The following MRE11 variants were observed in gnomAD, a reference collection of about 807,000 sequenced individuals.
The protein encoded by MRE11 is double-strand break repair protein MRE11.
In MRE11, 62 loss-of-function variants were observed where a neutral mutation model predicts 91.7. The observed-to-expected ratio is 0.68, with a 90% CI of 0.55 to 0.84. The LOEUF (loss-of-function observed/expected upper bound fraction) is 0.84, where lower values mean the gene tolerates loss of function less well. Among genes scored for constraint, MRE11 ranks in the 40% least tolerant of loss-of-function variants. The pLI is 0.00. For synonymous variants in MRE11, 273 were observed against 271.4 expected (o/e 1.01, Z -0.06); for missense variants, 796 against 852.9 (o/e 0.93, Z 0.83).
At chr11:94,484,538 A>C (rs1278052490) in intron 4 of MRE11, among the ~76,000 whole-genome samples, 3 of 152,210 alleles carry the variant, frequency 2.0e-5, no homozygotes, top group African/African-American at 7.2e-5. Flanking sequence ...AGCTGGACTC[A>C]GAGACTCAAT....
At chr11:94,500,373 C>T in the MRE11 span, among the ~76,000 whole-genome samples, 1,642 of 152,336 alleles carry the variant, frequency 0.011, 25 homozygotes, top group South Asian at 0.066. Context: ...ACAAATCCCA[C>T]CCCTGAGGGC....
chr11:94,446,653 AT>A (rs1945939776), intron 15 of MRE11, among the ~76,000 whole-genome samples: 1 of 152,190 alleles, frequency 6.6e-6, no homozygotes, highest in East Asian at 1.9e-4. Context: ...ACCAATTTCT[AT>A]TGGCGTGAAC....
In MRE11 at chr11:94,476,324, G is replaced by C; in HGVS notation, c.624C>G (p.Asn208Lys). 6.2e-7 allele frequency: 1 copy of C among 1,613,236 alleles called. No homozygotes were observed. Residue 208 changes from asparagine to lysine, a missense_variant, in exon 7 of 20, where the codon AAC becomes AAG. Asn to Lys is a moderately conservative substitution (Grantham distance 94, BLOSUM62 0). Transcript: ENST00000323929. ...GAATCACAAATAAGTTAAACCAAGA[G>C]TTCTCATCTTCCTTTGGTCTCAACA... is the stretch of plus-strand genomic sequence containing the variant. ...VTMLRPKEDE[N>K]SWFNLFVIHQ...
chr11:94,426,963 A>G (rs964884755), intron 19 of MRE11, among the ~76,000 whole-genome samples: 1 of 152,332 alleles, frequency 6.6e-6, no homozygotes, highest in South Asian at 2.1e-4. Flanking sequence ...GCCATATTCT[A>G]TCAGACATAC....
rs983937345 is a variant in MRE11, at chr11:94,419,513, G to A, written c.*612C>T. 6.7e-5 allele frequency: 15 copies of A among 224,550 alleles called. No individual in the cohort carries two copies. Among genetic ancestry groups the A allele is most frequent in the Non-Finnish European group, 1.0e-4 (12 of 115,180 alleles). The allele number at this position is 224,550 out of a possible 1,614,324, so 13.9% of individuals were successfully genotyped here. ...GAGAGAGAACACCATTAAGGATACA[G>A]AATAATAAAGGAAATTACTACCACT... is the stretch of plus-strand genomic sequence containing the variant. On this transcript the variant is annotated 3_prime_UTR_variant, in exon 20 of 20. Coordinates refer to ENST00000323929, the MANE Select transcript of MRE11 (RefSeq NM_005591.4).
At chr11:94,496,806 C>CTACTGG, upstream of MRE11, 8 of 1,613,920 alleles carry the variant, frequency 5.0e-6, no homozygotes, top group Non-Finnish European at 6.8e-6. Context: ...CACCTTATTC[C>CTACTGG]TACTGGTACT....
intron 4 of MRE11, among the ~76,000 whole-genome samples, chr11:94,481,250 A>G (rs765920991): frequency 3.9e-5 from 6 of 152,200 alleles, no homozygotes; most frequent in Non-Finnish European, 7.4e-5. Context: ...CAGAGGTTGC[A>G]GTAAGCCGAG....
the MRE11 span, among the ~76,000 whole-genome samples, chr11:94,500,412 C>A: frequency 6.6e-6 from 1 of 152,314 alleles, no homozygotes; most frequent in African/African-American, 2.4e-5. Context: ...TTCCTTTATA[C>A]TTTCCAGAGC....
chr11:94,492,830 C>T lies in MRE11; in HGVS notation c.-29G>A. 10 of 1,610,122 alleles carry T rather than the reference C, an allele frequency of 6.2e-6. No homozygotes were observed. The highest frequency in any genetic ancestry group is 1.9e-4 in the Middle Eastern group (1 of 5,264). On this transcript the variant is annotated 5_prime_UTR_variant, in exon 2 of 20. Coordinates refer to ENST00000323929, the MANE Select transcript of MRE11 (RefSeq NM_005591.4). Reference sequence around the variant, plus strand: ...TATGGTCAGTCAAGCTCCTCTGGGACCAGGTTCTTCTCCAAGAACCCCTGG... The same window carrying T: ...TATGGTCAGTCAAGCTCCTCTGGGATCAGGTTCTTCTCCAAGAACCCCTGG...
At chr11:94,465,610 G>A (rs687109) in intron 10 of MRE11, among the ~76,000 whole-genome samples, 38,525 of 151,734 alleles carry the variant, frequency 0.25, 5,060 homozygotes, top group Middle Eastern at 0.32. Flanking sequence ...TGCCCAGGCT[G>A]GTCTCGAACT....
At position 94,447,600 on chromosome 11, in the gene MRE11, G is replaced by A. The variant is rs571985441; in HGVS notation, c.1564-162C>T. On this transcript the variant is annotated intron_variant, in intron 14 of 19. Coordinates refer to ENST00000323929, the MANE Select transcript of MRE11 (RefSeq NM_005591.4). Reference sequence around the variant, plus strand: ...TCTCAGCACTTTGGGAGGCCGAGGCGGGAGGATCACTTGCACCCAAGAGTT... The same window carrying A: ...TCTCAGCACTTTGGGAGGCCGAGGCAGGAGGATCACTTGCACCCAAGAGTT... Among the ~76,000 whole-genome samples the A allele has an allele frequency of 2.4e-4, 37 of 151,084 alleles. 1 individual carries two copies. Among genetic ancestry groups the A allele is most frequent in the African/African-American group, 7.3e-4 (30 of 41,020 alleles).
Position 94,418,920 on chromosome 11 carries a change from T to C in MRE11, c.*1205A>G, listed in dbSNP as rs1945092068. 1 of 230,990 alleles carries C rather than the reference T, an allele frequency of 4.3e-6. No homozygotes were observed. Among genetic ancestry groups the C allele is most frequent in the South Asian group, 1.8e-4 (1 of 5,518 alleles). The allele number at this position is 230,990 out of a possible 1,614,324, so 14.3% of individuals were successfully genotyped here. A position where few individuals can be genotyped will look rare whatever the true frequency, so the allele number is the denominator to read the frequency against. On this transcript the variant is annotated 3_prime_UTR_variant, in exon 20 of 20. Transcript: ENST00000323929. ...CTTATAATTTGACACATTCCAGGTATGACTATTCTAATGGTCATGAGTATC... is the reference window on the plus strand; with the variant it reads ...CTTATAATTTGACACATTCCAGGTACGACTATTCTAATGGTCATGAGTATC...
At chr11:94,422,194 T>G (rs1228005118) in intron 19 of MRE11, among the ~76,000 whole-genome samples, 3 of 152,184 alleles carry the variant, frequency 2.0e-5, no homozygotes, top group African/African-American at 7.2e-5. Context: ...CCTTCAGTCA[T>G]GTAGTTTTAT....
chr11:94,432,954 T>C (rs1945504540), intron 18 of MRE11, among the ~76,000 whole-genome samples: 1 of 152,252 alleles, frequency 6.6e-6, no homozygotes, highest in Non-Finnish European at 1.5e-5. Context: ...CTTTTAATTA[T>C]ATGCCTATCA....
chr11:94,420,184 G>A lies in MRE11; in HGVS notation c.2071-3C>T. The stretch of plus-strand genomic sequence containing the variant: ...ATAAAAGGATCATCATCATCATCCT[G>A]AAATGAGATACAAATGTTGTATTAG... On this transcript the variant is annotated splice_polypyrimidine_tract_variant and splice_region_variant and intron_variant, in intron 19 of 19. Transcript: ENST00000323929. 3.2e-6 allele frequency: 5 copies of A among 1,584,640 alleles called. No homozygotes were observed. The highest frequency in any genetic ancestry group is 3.4e-6 in the Non-Finnish European group (4 of 1,161,750).
At chr11:94,469,151 C>T (rs753157808) in intron 9 of MRE11, among the ~76,000 whole-genome samples, 10 of 152,168 alleles carry the variant, frequency 6.6e-5, no homozygotes, top group Non-Finnish European at 1.3e-4. Context: ...GTGTCACCAG[C>T]GTCTACTTTC....
the MRE11 span, among the ~76,000 whole-genome samples, chr11:94,506,030 G>A: frequency 4.8e-3 from 737 of 152,262 alleles, 7 homozygotes; most frequent in African/African-American, 0.017. Flanking sequence ...TTGTGTAAGT[G>A]CATTCTGATA....
At chr11:94,505,108 C>T in the MRE11 span, among the ~76,000 whole-genome samples, 119,368 of 152,222 alleles carry the variant, frequency 0.78, 47,364 homozygotes, top group African/African-American at 0.92. Flanking sequence ...CATACAACTA[C>T]GTACAGTACA....
At chr11:94,420,265 C>T in intron 19 of MRE11, 84 bp from the exon 20 acceptor site, 1 of 1,046,948 alleles carries the variant, frequency 9.6e-7, no homozygotes, top group Non-Finnish European at 1.5e-6. Context: ...CAAAACAATA[C>T]CAGTGAGAGT....
Sources: allele counts gnomAD v4.1 joint callset (sites outside exome capture counted in the v4.1 genomes callset), GRCh38; gene constraint gnomAD v4.1.1; transcripts MANE v1.5; gene names NCBI Gene and HGNC (gene_info 2026-07-23, HGNC 2026-07-21).